Variants in CHCHD6 observed in about 807,000 individuals in gnomAD.
CHCHD6 encodes the protein MICOS complex subunit MIC25.
Under a neutral mutation model 32.3 loss-of-function variants are expected in CHCHD6, and 28 were observed. That is an observed-to-expected ratio of 0.87 (90% CI 0.64 to 1.19). The LOEUF is 1.19. CHCHD6 is among the 50% of genes most tolerant of loss of function. The probability of loss-of-function intolerance (pLI) is 0.00; values close to 1 mark genes in which losing one functional copy is unlikely to be tolerated. For missense variants in CHCHD6, 333 were observed against 307.0 expected (o/e 1.08, Z -0.63); for synonymous variants, 122 against 117.5 (o/e 1.04, Z -0.25).
chr3:126,946,819 G>A (rs1467250143), intron 6 of CHCHD6, among the ~76,000 whole-genome samples: 1 of 152,166 alleles, frequency 6.6e-6, no homozygotes, highest in East Asian at 1.9e-4. Context: ...ACTGCTGCCT[G>A]TAATAAAAAG....
chr3:126,956,312 G>A (rs1035296480), intron 6 of CHCHD6, among the ~76,000 whole-genome samples: 4 of 152,190 alleles, frequency 2.6e-5, no homozygotes, highest in South Asian at 2.1e-4. Context: ...CAGTGGGTCC[G>A]TCTACAGCTG....
At chr3:126,836,969 G>A (rs1243981472) in intron 4 of CHCHD6, among the ~76,000 whole-genome samples, 1 of 152,170 alleles carries the variant, frequency 6.6e-6, no homozygotes, top group East Asian at 1.9e-4. Flanking sequence ...GCTCCCTTGT[G>A]GTTAATTGTT....
intron 4 of CHCHD6, among the ~76,000 whole-genome samples, chr3:126,835,439 G>C (rs1396132072): frequency 6.6e-6 from 1 of 152,170 alleles, no homozygotes; most frequent in African/African-American, 2.4e-5. Context: ...TCTGACTCAT[G>C]GGCTTACAAT....
chr3:126,855,067 G>A lies in CHCHD6; in HGVS notation c.495+2337G>A, dbSNP rs142849664. 3.4e-4 allele frequency: 52 copies of A among 152,324 alleles called. 1 individual carries two copies. The highest frequency in any genetic ancestry group is 1.2e-3 in the African/African-American group (48 of 41,580). The allele number at this position is 152,324 out of a possible 1,614,324, so 9.4% of individuals were successfully genotyped here. ...TTCTTGAGCATGGAAATCTCATTTT[G>A]TAGGGCTCCTGTGCTTTATAATCCT... is the stretch of plus-strand genomic sequence containing the variant. On this transcript the variant is annotated intron_variant, in intron 5 of 7. Coordinates refer to ENST00000290913, the MANE Select transcript of CHCHD6 (RefSeq NM_032343.3).
chr3:126,730,648 C>G lies in CHCHD6; in HGVS notation c.266+18C>G. On this transcript the variant is annotated intron_variant, in intron 3 of 7. Coordinates refer to ENST00000290913, the MANE Select transcript of CHCHD6 (RefSeq NM_032343.3). ...GTCAAGAGGTGAGCCCGAGAGCCTGCTTGCTCCCGGCACTGCGCTCCGCCT... is the reference window on the plus strand; with the variant it reads ...GTCAAGAGGTGAGCCCGAGAGCCTGGTTGCTCCCGGCACTGCGCTCCGCCT... The G allele has an allele frequency of 6.2e-7, 1 of 1,610,286 alleles. No individual in the cohort carries two copies. Among genetic ancestry groups the G allele is most frequent in the Non-Finnish European group, 8.5e-7 (1 of 1,177,062 alleles).
intron 4 of CHCHD6, among the ~76,000 whole-genome samples, chr3:126,784,157 C>T (rs1464606290): frequency 6.6e-6 from 1 of 152,096 alleles, no homozygotes; most frequent in Non-Finnish European, 1.5e-5. Context: ...ATTTCACACT[C>T]CCCACCGCCT....
chr3:126,910,222 G>A (rs2078067094), intron 5 of CHCHD6, among the ~76,000 whole-genome samples: 1 of 140,526 alleles, frequency 7.1e-6, no homozygotes, highest in Admixed American at 8.0e-5. Context: ...AGGTTACAGC[G>A]GGCTATGATC....
intron 4 of CHCHD6, among the ~76,000 whole-genome samples, chr3:126,804,439 A>G (rs1939249978): frequency 6.6e-6 from 1 of 152,240 alleles, no homozygotes; most frequent in African/African-American, 2.4e-5. Context: ...AAACACCTCT[A>G]CGCAAGTAAA....
chr3:126,756,926 G>A, intron 4 of CHCHD6, among the ~76,000 whole-genome samples: 1 of 152,324 alleles, frequency 6.6e-6, no homozygotes, highest in East Asian at 1.9e-4. Context: ...ATTAAGGCAA[G>A]AATCACATCA....
At chr3:126,943,970 C>T (rs138548432) in intron 6 of CHCHD6, among the ~76,000 whole-genome samples, 111 of 152,258 alleles carry the variant, frequency 7.3e-4, no homozygotes, top group African/African-American at 2.6e-3. Context: ...AAATGTAAAA[C>T]GCAAAACTGT....
intron 5 of CHCHD6, among the ~76,000 whole-genome samples, chr3:126,868,771 T>C (rs2077425020): frequency 6.6e-6 from 1 of 152,258 alleles, no homozygotes; most frequent in Admixed American, 6.5e-5. Flanking sequence ...TAAGTTACTT[T>C]AGGCTTTTCC....
intron 4 of CHCHD6, among the ~76,000 whole-genome samples, chr3:126,835,871 A>G (rs1033771707): frequency 6.6e-5 from 10 of 152,144 alleles, no homozygotes; most frequent in African/African-American, 2.2e-4. Flanking sequence ...ATTACTTTTT[A>G]AAAGGTGTTC....
At chr3:126,946,030 T>C (rs1233617481) in intron 6 of CHCHD6, among the ~76,000 whole-genome samples, 1 of 151,984 alleles carries the variant, frequency 6.6e-6, no homozygotes, top group Non-Finnish European at 1.5e-5. Context: ...GGTCACGTCA[T>C]AGGATTGTGC....
chr3:126,846,287 A>T (rs1288964878), intron 4 of CHCHD6, among the ~76,000 whole-genome samples: 3 of 152,204 alleles, frequency 2.0e-5, no homozygotes, highest in Admixed American at 1.3e-4. Flanking sequence ...TGTCAAAAAC[A>T]AGCAGAGGCA....
At chr3:126,826,531 G>T (rs1315311299) in intron 4 of CHCHD6, among the ~76,000 whole-genome samples, 1 of 152,126 alleles carries the variant, frequency 6.6e-6, no homozygotes, top group African/African-American at 2.4e-5. Context: ...AATAGTCATT[G>T]CCTTGTATTT....
At chr3:126,827,743 G>T (rs968725736) in intron 4 of CHCHD6, among the ~76,000 whole-genome samples, 7 of 152,198 alleles carry the variant, frequency 4.6e-5, no homozygotes, top group African/African-American at 1.7e-4. Context: ...TAGATGAATG[G>T]TTGTGCTGTT....
chr3:126,759,885 A>G (rs770872945), intron 4 of CHCHD6, among the ~76,000 whole-genome samples: 15 of 152,212 alleles, frequency 9.9e-5, no homozygotes, highest in Non-Finnish European at 2.1e-4. Flanking sequence ...TGAAGGCTGT[A>G]CAGGAAGCAT....
chr3:126,765,850 A>G (rs1266995638), intron 4 of CHCHD6, among the ~76,000 whole-genome samples: 1 of 152,232 alleles, frequency 6.6e-6, no homozygotes, highest in East Asian at 1.9e-4. Flanking sequence ...CCAGGGGGAC[A>G]CTGCAGATTA....
intron 4 of CHCHD6, among the ~76,000 whole-genome samples, chr3:126,843,900 G>A (rs2107548123): frequency 6.6e-6 from 1 of 152,238 alleles, no homozygotes; most frequent in Non-Finnish European, 1.5e-5. Flanking sequence ...CCTTCAACAT[G>A]CTTACAGTAG....
Sources: gnomAD v4.1 joint callset for allele counts (sites outside exome capture counted in the v4.1 genomes callset) on GRCh38, gnomAD v4.1.1 for gene constraint, MANE v1.5 for transcripts, NCBI Gene and HGNC (gene_info 2026-07-23, HGNC 2026-07-21) for gene names.